TTLL5: variants seen among roughly 807,000 people sequenced by gnomAD.
TTLL5 encodes tubulin polyglutamylase TTLL5.
In TTLL5, 132 loss-of-function variants were observed where a neutral mutation model predicts 168.4. The observed-to-expected ratio is 0.78, with a 90% confidence interval of 0.68 to 0.91. The LOEUF is 0.91. Among genes scored for constraint, TTLL5 ranks in the 40% least tolerant of loss-of-function variants. The pLI, the probability that TTLL5 is intolerant of heterozygous loss-of-function variation, is 0.00. For missense variants in TTLL5, 1,545 were observed against 1,581.5 expected, an observed-to-expected ratio of 0.98 and a Z score of 0.39; for synonymous variants, 546 against 558.6, an observed-to-expected ratio of 0.98 and a Z score of 0.32.
At chr14:75,676,248 G>A (rs1253498812) in intron 3 of TTLL5, among the ~76,000 whole-genome samples, 2 of 152,104 alleles carry the variant, frequency 1.3e-5, no homozygotes, top group African/African-American at 4.8e-5. Context: ...CCAGGTATCT[G>A]GGCATCCTGT....
chr14:75,837,940 G>T (rs915223298), intron 28 of TTLL5, among the ~76,000 whole-genome samples: 3 of 152,030 alleles, frequency 2.0e-5, no homozygotes, highest in Non-Finnish European at 4.4e-5. Flanking sequence ...TAGACACTTG[G>T]TTTACTTCTG....
chr14:75,933,337 C>A (rs1439636697), intron 31 of TTLL5, among the ~76,000 whole-genome samples: 1 of 152,126 alleles, frequency 6.6e-6, no homozygotes, highest in African/African-American at 2.4e-5. Flanking sequence ...GTTGCATGTG[C>A]CTGTAGTCCC....
intron 28 of TTLL5, among the ~76,000 whole-genome samples, chr14:75,836,447 C>CA (rs1193347440): frequency 0.013 from 1,904 of 143,826 alleles, 15 homozygotes; most frequent in South Asian, 0.023. Flanking sequence ...TTAATGGATA[C>CA]AAAAAAAAAA....
chr14:75,693,435 T>C (rs1289517168), intron 6 of TTLL5, among the ~76,000 whole-genome samples: 1 of 152,216 alleles, frequency 6.6e-6, no homozygotes, highest in East Asian at 1.9e-4. Context: ...AGAGACAACC[T>C]GTAAAGATAT....
chr14:75,815,280 C>T (rs1894326128), intron 27 of TTLL5, among the ~76,000 whole-genome samples: 2 of 152,176 alleles, frequency 1.3e-5, no homozygotes, highest in Admixed American at 6.5e-5. Context: ...TAGCAGGAAT[C>T]CTTTAGAGAG....
chr14:75,846,525 T>G (rs1211530737), intron 28 of TTLL5, among the ~76,000 whole-genome samples: 4 of 152,194 alleles, frequency 2.6e-5, no homozygotes, highest in Admixed American at 2.6e-4. Context: ...GTGTGGTGGC[T>G]CATGCCTGTA....
intron 30 of TTLL5, among the ~76,000 whole-genome samples, chr14:75,885,358 G>T (rs2140033902): frequency 6.6e-6 from 1 of 151,586 alleles, no homozygotes; most frequent in South Asian, 2.1e-4. Flanking sequence ...CGTGCATGAT[G>T]GTGGGCGCCT....
intron 27 of TTLL5, among the ~76,000 whole-genome samples, chr14:75,805,411 C>T (rs1052788647): frequency 2.0e-5 from 3 of 152,194 alleles, no homozygotes; most frequent in African/African-American, 7.2e-5. Context: ...GGCCCCTGGG[C>T]ATCTGCTTCT....
intron 28 of TTLL5, among the ~76,000 whole-genome samples, chr14:75,858,946 A>G (rs531610346): frequency 6.6e-6 from 1 of 152,312 alleles, no homozygotes; most frequent in African/African-American, 2.4e-5. Flanking sequence ...ACCTCCGCCA[A>G]TTAAATGTCA....
At chr14:75,916,074 T>G (rs1354121938) in intron 31 of TTLL5, among the ~76,000 whole-genome samples, 1 of 151,552 alleles carries the variant, frequency 6.6e-6, no homozygotes, top group East Asian at 1.9e-4. Flanking sequence ...TGCAGTGAGA[T>G]ATGATCGGGC....
rs190000668 is a variant in TTLL5, at chr14:75,874,345, G to A, written c.3523-8340G>A. Among the ~76,000 whole-genome samples, 14 of 152,286 alleles carry A rather than the reference G, an allele frequency of 9.2e-5. No individual in the cohort carries two copies. The East Asian group carries it at 2.7e-3, about 29-fold the overall frequency. On this transcript the variant is annotated intron_variant, in intron 29 of 31. Coordinates refer to ENST00000298832, the MANE Select transcript of TTLL5 (RefSeq NM_015072.5). ...CTGACTTTGTGATCCACCCGCCTCG[G>A]CCTCCCAAAGTGCTGGGATTACAAG...
chr14:75,887,454 A>C (rs1386225479), intron 30 of TTLL5: 1 of 466,368 alleles, frequency 2.1e-6, no homozygotes, highest in African/African-American at 2.1e-5. Context: ...TATTATGTGC[A>C]GTTTCAAGAA....
chr14:75,929,209 C>G (rs2140163581), intron 31 of TTLL5, among the ~76,000 whole-genome samples: 1 of 152,262 alleles, frequency 6.6e-6, no homozygotes, highest in African/African-American at 2.4e-5. Flanking sequence ...ATGAAAAGAG[C>G]TCTCAATTTA....
At chr14:75,844,275 A>AT (rs1247939016) in intron 28 of TTLL5, among the ~76,000 whole-genome samples, 1 of 152,144 alleles carries the variant, frequency 6.6e-6, no homozygotes, top group African/African-American at 2.4e-5. Context: ...TGTATGTTCA[A>AT]TTGCTCCAAC....
At position 75,663,082 on chromosome 14, in the gene TTLL5, C is replaced by G; in HGVS notation, c.-68C>G. The stretch of plus-strand genomic sequence containing the variant: ...ATCTGTGCCATCCAAATTGCTTGAT[C>G]CAGTGAATCTGCTAGGAAAGGTCTC... On this transcript the variant is annotated 5_prime_UTR_variant, in exon 2 of 32. It adds an upstream start codon to the 5' untranslated region. Coordinates refer to ENST00000298832, the MANE Select transcript of TTLL5 (RefSeq NM_015072.5). 2 of 1,416,692 alleles carry G rather than the reference C, an allele frequency of 1.4e-6. No individual in the cohort carries two copies. The highest frequency in any genetic ancestry group is 2.0e-6 in the Non-Finnish European group (2 of 1,010,242). 87.8% of individuals were successfully genotyped at this position (1,416,692 alleles called of 1,614,324 possible).
At chr14:75,664,286 T>C (rs536092606) in intron 2 of TTLL5, among the ~76,000 whole-genome samples, 3 of 152,312 alleles carry the variant, frequency 2.0e-5, no homozygotes, top group African/African-American at 7.2e-5. Flanking sequence ...CTTTTCTGGA[T>C]TTTGATCACT....
At chr14:75,802,968 A>G (rs1566610883) in intron 27 of TTLL5, among the ~76,000 whole-genome samples, 1 of 152,202 alleles carries the variant, frequency 6.6e-6, no homozygotes, top group Non-Finnish European at 1.5e-5. Context: ...TAGCGAAACG[A>G]GTGACAGGCT....
intron 31 of TTLL5, among the ~76,000 whole-genome samples, chr14:75,918,340 C>T (rs982451770): frequency 3.3e-5 from 5 of 152,170 alleles, no homozygotes; most frequent in Non-Finnish European, 7.4e-5. Context: ...TAATGATATA[C>T]ATCTACTGGT....
chr14:75,721,564 G>A lies in TTLL5; in HGVS notation c.1042+861G>A, dbSNP rs1464130371. Among the ~76,000 whole-genome samples, 6 of 152,254 alleles carry A rather than the reference G, an allele frequency of 3.9e-5. No homozygotes were observed. In the East Asian group the frequency reaches 1.2e-3, roughly 29 times the overall value. On this transcript the variant is annotated intron_variant, in intron 12 of 31. Coordinates refer to ENST00000298832, the MANE Select transcript of TTLL5 (RefSeq NM_015072.5). ...AGGGAAATAAAGAATATGGGTTTTA[G>A]AGCCTAACAGCCTTAGTTTGTAACC...
Sources: allele counts gnomAD v4.1 joint callset (sites outside exome capture counted in the v4.1 genomes callset), GRCh38; gene constraint gnomAD v4.1.1; transcripts MANE v1.5; gene names NCBI Gene and HGNC (gene_info 2026-07-23, HGNC 2026-07-21).